The following NSUN6 variants were observed in gnomAD, a reference collection of about 807,000 sequenced individuals.
NSUN6 encodes the protein tRNA (cytosine(72)-C(5))-methyltransferase NSUN6.
A neutral mutation model predicts 58.0 loss-of-function variants in NSUN6; 64 were observed. The observed-to-expected ratio is 1.10, with a 90% CI of 0.90 to 1.36. NSUN6 has a LOEUF of 1.36. Among genes scored for constraint, NSUN6 ranks in the 40% most tolerant of loss-of-function variants. NSUN6 has a pLI of 0.00. For missense variants in NSUN6, 701 were observed against 550.1 expected (o/e 1.27, Z -2.74); for synonymous variants, 231 against 193.9 (o/e 1.19, Z -1.59).
intron 3 of NSUN6, among the ~76,000 whole-genome samples, chr10:18,635,833 GTGT>G (rs1419750522): frequency 7.9e-5 from 12 of 151,252 alleles, no homozygotes; most frequent in African/African-American, 2.7e-4. Context: ...GTGAGACTCT[GTGT>G]TGTTGTTTTT....
intron 8 of NSUN6, among the ~76,000 whole-genome samples, chr10:18,577,084 A>G (rs1391776546): frequency 3.3e-5 from 5 of 152,206 alleles, no homozygotes; most frequent in African/African-American, 9.6e-5. Flanking sequence ...TATATCTATT[A>G]CAACCAACGG....
At chr10:18,588,030 A>C (rs2057234844) in intron 7 of NSUN6, among the ~76,000 whole-genome samples, 1 of 152,204 alleles carries the variant, frequency 6.6e-6, no homozygotes. Flanking sequence ...CACTGGCTTG[A>C]AATTCTCACA....
chr10:18,567,790 C>G (rs939948207), intron 8 of NSUN6, among the ~76,000 whole-genome samples: 9 of 149,658 alleles, frequency 6.0e-5, no homozygotes, highest in African/African-American at 2.2e-4. Context: ...CCATTGCATT[C>G]TACATTCTTC....
Position 18,558,166 on chromosome 10 carries a change from A to AGAATG in NSUN6, c.923-6200_923-6196dup, listed in dbSNP as rs548836968. 3.3e-4 allele frequency among the ~76,000 whole-genome samples: 50 copies of AGAATG among 151,140 alleles called. 1 individual carries two copies. The highest frequency in any genetic ancestry group is 1.8e-3 in the East Asian group (9 of 5,108). On this transcript the variant is annotated intron_variant, in intron 8 of 10. Transcript: ENST00000377304. ...TAGAATGGAATGAAGAATGGAATGG[A>AGAATG]GAATGGAATGGAATGGAATGCACAG...
chr10:18,625,337 C>T (rs995740971), intron 3 of NSUN6, among the ~76,000 whole-genome samples: 2 of 152,034 alleles, frequency 1.3e-5, no homozygotes, highest in African/African-American at 4.8e-5. Context: ...AAAGAGAATA[C>T]AGAAAATGTA....
chr10:18,656,891 A>C (rs968825752), upstream of NSUN6, among the ~76,000 whole-genome samples: 36 of 136,134 alleles, frequency 2.6e-4, no homozygotes, highest in African/African-American at 9.6e-4. Flanking sequence ...CAGATGCACG[A>C]TCTTAGCCCA....
intron 6 of NSUN6, among the ~76,000 whole-genome samples, chr10:18,603,227 A>C (rs1038544108): frequency 1.3e-5 from 2 of 151,958 alleles, no homozygotes; most frequent in East Asian, 1.9e-4. Context: ...TGGGAGGCGG[A>C]GGTTGCAGTG....
intron 10 of NSUN6, among the ~76,000 whole-genome samples, chr10:18,546,438 T>C (rs1264264788): frequency 1.3e-5 from 2 of 152,190 alleles, no homozygotes; most frequent in South Asian, 2.1e-4. Flanking sequence ...TGGACTCAAA[T>C]TGCAGCTCTA....
At chr10:18,598,846 T>C (rs980381285) in intron 6 of NSUN6, among the ~76,000 whole-genome samples, 1 of 152,178 alleles carries the variant, frequency 6.6e-6, no homozygotes, top group African/African-American at 2.4e-5. Context: ...GGCTAAAGAT[T>C]TGGTGATTCT....
At chr10:18,630,494 T>A (rs1172757553) in intron 3 of NSUN6, among the ~76,000 whole-genome samples, 1 of 151,474 alleles carries the variant, frequency 6.6e-6, no homozygotes, top group African/African-American at 2.4e-5. Flanking sequence ...TCAACAAAAT[T>A]GATAGACCGC....
At chr10:18,601,042 G>A (rs909425392) in intron 6 of NSUN6, among the ~76,000 whole-genome samples, 4 of 144,336 alleles carry the variant, frequency 2.8e-5, no homozygotes, top group Non-Finnish European at 6.0e-5. Context: ...ATTTCAAGGT[G>A]TAACTACTTT....
chr10:18,602,305 G>A (rs1365370098), intron 6 of NSUN6, among the ~76,000 whole-genome samples: 18 of 150,680 alleles, frequency 1.2e-4, no homozygotes, highest in Admixed American at 6.6e-4. Flanking sequence ...ATGCAGTGGC[G>A]CAATCTCGGC....
At chr10:18,652,111 G>A (rs1264652784), upstream of NSUN6, 6 of 985,054 alleles carry the variant, frequency 6.1e-6, no homozygotes, top group Middle Eastern at 5.2e-4. Flanking sequence ...CCAATGCTCA[G>A]GTAAAACTTA....
At chr10:18,564,981 C>A (rs561698598) in intron 8 of NSUN6, among the ~76,000 whole-genome samples, 7 of 150,520 alleles carry the variant, frequency 4.7e-5, no homozygotes, top group Non-Finnish European at 1.0e-4. Flanking sequence ...TTCTCCATTC[C>A]ATTCCATTCT....
chr10:18,577,957 C>G (rs984378341), intron 8 of NSUN6, among the ~76,000 whole-genome samples: 1 of 152,206 alleles, frequency 6.6e-6, no homozygotes, highest in Non-Finnish European at 1.5e-5. Context: ...GGATAAGAAC[C>G]CCTTCCCCTC....
At chr10:18,591,276 G>A (rs1227628324) in intron 7 of NSUN6, among the ~76,000 whole-genome samples, 1 of 152,092 alleles carries the variant, frequency 6.6e-6, no homozygotes, top group Non-Finnish European at 1.5e-5. Context: ...AGGACCAGAT[G>A]GATTCACAGC....
chr10:18,589,613 T>C (rs920299238), intron 7 of NSUN6, among the ~76,000 whole-genome samples: 11 of 152,134 alleles, frequency 7.2e-5, no homozygotes, highest in African/African-American at 2.4e-5. Context: ...TCAACATTCT[T>C]AAATAAAAGA....
chr10:18,621,477 C>G (rs1043712255), intron 3 of NSUN6, among the ~76,000 whole-genome samples: 5 of 152,184 alleles, frequency 3.3e-5, no homozygotes, highest in African/African-American at 7.2e-5. Context: ...CACAGTATGT[C>G]ATATGCAAGT....
At chr10:18,557,683 G>A (rs1441933519) in intron 8 of NSUN6, among the ~76,000 whole-genome samples, 1 of 148,932 alleles carries the variant, frequency 6.7e-6, no homozygotes, top group Non-Finnish European at 1.5e-5. Flanking sequence ...AAAGGAGGAT[G>A]GAATGGAATG....
Sources: allele counts gnomAD v4.1 joint callset (sites outside exome capture counted in the v4.1 genomes callset), GRCh38; gene constraint gnomAD v4.1.1; transcripts MANE v1.5; gene names NCBI Gene and HGNC (gene_info 2026-07-23, HGNC 2026-07-21).